Variants in SULT1B1 observed in about 807,000 individuals in gnomAD.
SULT1B1 encodes sulfotransferase 1B1.
SULT1B1 carries 28 observed loss-of-function variants against 34.6 expected under a neutral mutation model. That is an observed-to-expected ratio of 0.81 (90% CI 0.60 to 1.11). The LOEUF is 1.11. Ranked by LOEUF, SULT1B1 falls within the 50% of genes least tolerant of loss-of-function variation. The pLI, the probability that SULT1B1 is intolerant of heterozygous loss-of-function variation, is 0.00. For missense variants in SULT1B1, 374 were observed against 352.2 expected, an observed-to-expected ratio of 1.06 and a Z score of -0.50; for synonymous variants, 147 against 110.2, an observed-to-expected ratio of 1.33 and a Z score of -2.09.
chr4:69,737,155 T>G (rs143177852), intron 4 of SULT1B1, among the ~76,000 whole-genome samples: 6 of 152,280 alleles, frequency 3.9e-5, no homozygotes, highest in Non-Finnish European at 8.8e-5. Context: ...ATGACAAGTT[T>G]CTCATCTAAA....
At chr4:69,737,990 T>G (rs1420149198) in intron 4 of SULT1B1, among the ~76,000 whole-genome samples, 1 of 152,154 alleles carries the variant, frequency 6.6e-6, no homozygotes, top group Non-Finnish European at 1.5e-5. Flanking sequence ...TGATAGGCAG[T>G]TTTTTGACTT....
At chr4:69,752,826 G>A (rs953018232) in intron 3 of SULT1B1, among the ~76,000 whole-genome samples, 5 of 152,156 alleles carry the variant, frequency 3.3e-5, no homozygotes, top group South Asian at 2.1e-4. Context: ...CTACTTATTT[G>A]TTTCCCAGGA....
At position 69,734,974 on chromosome 4, in the gene SULT1B1, A is replaced by G. The variant is rs187272586; in HGVS notation, c.376-710T>C. Among the ~76,000 whole-genome samples, 251 of 151,864 alleles carry G rather than the reference A, an allele frequency of 1.7e-3. 1 individual carries two copies. The highest frequency in any genetic ancestry group is 4.0e-3 in the Admixed American group (61 of 15,240). On this transcript the variant is annotated intron_variant, in intron 4 of 7. Transcript: ENST00000310613. ...GCTGTGACTACAGGCGCCCGCCACC[A>G]CGCCTGGCTAATTTTTTGTATTTTT...
chr4:69,747,013 C>T (rs1393490777), intron 4 of SULT1B1, among the ~76,000 whole-genome samples: 1 of 152,162 alleles, frequency 6.6e-6, no homozygotes, highest in Non-Finnish European at 1.5e-5. Context: ...CTCTACGGGG[C>T]TAGAGCGAGA....
At chr4:69,747,770 A>G (rs1008800489) in intron 4 of SULT1B1, among the ~76,000 whole-genome samples, 41 of 152,254 alleles carry the variant, frequency 2.7e-4, no homozygotes, top group African/African-American at 9.1e-4. Flanking sequence ...GTCCATGGTA[A>G]GAGTGGGCTG....
intron 4 of SULT1B1, among the ~76,000 whole-genome samples, chr4:69,743,223 C>A (rs368737271): frequency 7.2e-5 from 11 of 152,242 alleles, no homozygotes; most frequent in African/African-American, 2.6e-4. Flanking sequence ...GGTATACAAA[C>A]AAATAGAGGG....
chr4:69,745,727 A>G (rs1477519956), intron 4 of SULT1B1, among the ~76,000 whole-genome samples: 4 of 152,178 alleles, frequency 2.6e-5, no homozygotes, highest in Non-Finnish European at 5.9e-5. Context: ...CAAAATTCAT[A>G]TGTGAAGATT....
In SULT1B1 at chr4:69,742,614, G is replaced by T. The variant is rs538053090; in HGVS notation, c.375+7107C>A. On this transcript the variant is annotated intron_variant, in intron 4 of 7. Coordinates refer to ENST00000310613, the MANE Select transcript of SULT1B1 (RefSeq NM_014465.4). ...AATCCTAGTGTTATGAGATCCTTGG[G>T]GTTTTGCTTCACCAGCCGGAAACCT... 5.9e-5 allele frequency among the ~76,000 whole-genome samples: 9 copies of T among 152,232 alleles called. No homozygotes were observed. The South Asian group carries it at 1.9e-3, about 32-fold the overall frequency.
At chr4:69,745,761 A>T (rs1718725079) in intron 4 of SULT1B1, among the ~76,000 whole-genome samples, 1 of 152,132 alleles carries the variant, frequency 6.6e-6, no homozygotes, top group South Asian at 2.1e-4. Context: ...GTGCTGTCAG[A>T]TGGTTATTAT....
In SULT1B1 at chr4:69,754,721, T is replaced by G; in HGVS notation, c.226A>C (p.Thr76Pro). 1 of 1,613,440 alleles carries G rather than the reference T, an allele frequency of 6.2e-7. No homozygotes were observed. The highest frequency in any genetic ancestry group is 8.5e-7 in the Non-Finnish European group (1 of 1,179,558). Residue 76 changes from threonine to proline, a missense_variant, in exon 3 of 8, where the codon ACT becomes CCT. By Grantham distance (38) the Thr-to-Pro change is conservative. Transcript: ENST00000310613. ...ATTTCCAACATTGGAACTTTTTCAG[T>G]AATAAAACCTCGCTTACATTTTTCA... The part of the protein sequence containing the change: ...DIEKCKRGFI[T>P]EKVPMLEMTL...
intron 4 of SULT1B1, among the ~76,000 whole-genome samples, chr4:69,736,509 G>A (rs1057391760): frequency 3.3e-5 from 5 of 152,094 alleles, no homozygotes; most frequent in Admixed American, 6.5e-5. Flanking sequence ...CCAGCTCAGC[G>A]ACAGTGGGAT....
Position 69,722,452 on chromosome 4 carries a change from A to G in SULT1B1, c.*4636T>C, listed in dbSNP as rs1399142712. 1 of 152,196 alleles carries G rather than the reference A, an allele frequency of 6.6e-6. No homozygotes were observed. The highest frequency in any genetic ancestry group is 1.5e-5 in the Non-Finnish European group (1 of 68,026). 9.4% of individuals were successfully genotyped at this position (152,196 alleles called of 1,614,324 possible). A position where few individuals can be genotyped will look rare whatever the true frequency, so the allele number is the denominator to read the frequency against. ...AATAAAGATAATAGAGGAAATAGAT[A>G]CATGATTTAGTTTACTTCTCGTGGA... On this transcript the variant is annotated 3_prime_UTR_variant, in exon 8 of 8. Coordinates refer to ENST00000310613, the MANE Select transcript of SULT1B1 (RefSeq NM_014465.4).
chr4:69,759,729 T>A (rs1719323888), intron 1 of SULT1B1, among the ~76,000 whole-genome samples: 1 of 152,210 alleles, frequency 6.6e-6, no homozygotes, highest in Non-Finnish European at 1.5e-5. Context: ...CTTTAAAATC[T>A]AAAAATTAGT....
At position 69,726,937 on chromosome 4, in the gene SULT1B1, CT is replaced by C. The variant is rs1717854316; in HGVS notation, c.*150del. 2 of 517,970 alleles carry C rather than the reference CT, an allele frequency of 3.9e-6. No individual in the cohort carries two copies. 32.1% of individuals were successfully genotyped at this position (517,970 alleles called of 1,614,324 possible). On this transcript the variant is annotated 3_prime_UTR_variant, in exon 8 of 8. Transcript: ENST00000310613. Reference sequence around the variant, plus strand: ...AGAATCAAAGGAACAAAACTGGGATCTGATTAATAACATTGAAAAGAATCAA... The same window carrying C: ...AGAATCAAAGGAACAAAACTGGGATCGATTAATAACATTGAAAAGAATCAA...
At position 69,723,093 on chromosome 4, in the gene SULT1B1, C is replaced by A. The variant is rs760543967; in HGVS notation, c.*3995G>T. Reference sequence around the variant, plus strand: ...TCAGTGAATTCAGGAGCTGGTTTTTCGAAAAGATCAACAAAATTGATAGAC... The same window carrying A: ...TCAGTGAATTCAGGAGCTGGTTTTTAGAAAAGATCAACAAAATTGATAGAC... On this transcript the variant is annotated 3_prime_UTR_variant, in exon 8 of 8. Coordinates refer to ENST00000310613, the MANE Select transcript of SULT1B1 (RefSeq NM_014465.4). 3 of 151,502 alleles carry A rather than the reference C, an allele frequency of 2.0e-5. No individual in the cohort carries two copies. Among genetic ancestry groups the A allele is most frequent in the African/African-American group, 7.3e-5 (3 of 41,236 alleles). 9.4% of individuals were successfully genotyped at this position (151,502 alleles called of 1,614,324 possible).
chr4:69,734,359 C>CT, intron 4 of SULT1B1, 95 bp from the exon 5 acceptor site: 1 of 1,377,784 alleles, frequency 7.3e-7, no homozygotes, highest in Admixed American at 2.9e-5. Context: ...AAGCAGAGTA[C>CT]TTTTTCAAAT....
chr4:69,738,167 T>C (rs1319491824), intron 4 of SULT1B1, among the ~76,000 whole-genome samples: 2 of 152,208 alleles, frequency 1.3e-5, no homozygotes, highest in African/African-American at 2.4e-5. Flanking sequence ...TCCAGCTGCA[T>C]CCATGTTGCT....
intron 4 of SULT1B1, among the ~76,000 whole-genome samples, chr4:69,749,496 C>T (rs1017009579): frequency 6.6e-6 from 1 of 152,048 alleles, no homozygotes; most frequent in Non-Finnish European, 1.5e-5. Flanking sequence ...TAATATTGTG[C>T]TGAGGTTTGG....
chr4:69,759,777 C>A (rs895020182), intron 1 of SULT1B1, among the ~76,000 whole-genome samples: 1 of 152,064 alleles, frequency 6.6e-6, no homozygotes, highest in Admixed American at 6.5e-5. Context: ...AAGGAACAGG[C>A]TATTTAAAGT....
Sources: allele counts gnomAD v4.1 joint callset (sites outside exome capture counted in the v4.1 genomes callset), GRCh38; gene constraint gnomAD v4.1.1; transcripts MANE v1.5; gene names NCBI Gene and HGNC (gene_info 2026-07-23, HGNC 2026-07-21).